The following CYFIP1 variants were observed in gnomAD, a reference collection of about 807,000 sequenced individuals.
CYFIP1 encodes the protein cytoplasmic FMR1-interacting protein 1.
Under a neutral mutation model 163.5 loss-of-function variants are expected in CYFIP1, and 58 were observed. That is an observed-to-expected ratio of 0.35 (90% CI 0.29 to 0.44). The LOEUF is 0.44. CYFIP1 is among the 20% of genes least tolerant of loss of function. The pLI is 1.00. For missense variants in CYFIP1, 1,338 were observed against 1,653.8 expected, an observed-to-expected ratio of 0.81 and a Z score of 3.31; for synonymous variants, 663 against 660.7, an observed-to-expected ratio of 1.00 and a Z score of -0.05.
intron 1 of CYFIP1, among the ~76,000 whole-genome samples, chr15:22,979,984 A>ACGCGGGGGCGGGGAG (rs2063419031): frequency 6.6e-6 from 1 of 151,824 alleles, no homozygotes; most frequent in South Asian, 2.1e-4. Flanking sequence ...GAGGCGGTGA[A>ACGCGGGGGCGGGGAG]CGCGGGGGCG....
At chr15:22,930,334 C>A (rs943368692) in intron 11 of CYFIP1, among the ~76,000 whole-genome samples, 2 of 142,518 alleles carry the variant, frequency 1.4e-5, no homozygotes, top group East Asian at 4.2e-4. Context: ...TGCAGTGAGC[C>A]GAGATTGCAC....
chr15:22,873,973 G>C (rs1336329467), intron 28 of CYFIP1, among the ~76,000 whole-genome samples: 1 of 152,206 alleles, frequency 6.6e-6, no homozygotes, highest in African/African-American at 2.4e-5. Flanking sequence ...GCCCAGGCTG[G>C]TCTCAAACTC....
Position 22,927,897 on chromosome 15 carries a change from G to C in CYFIP1, c.1233+9C>G, listed in dbSNP as rs138589588. 4.4e-4 allele frequency: 696 copies of C among 1,596,774 alleles called. 6 individuals are homozygous for C. In the African/African-American group the frequency reaches 8.2e-3, roughly 19 times the overall value. ...TTGGAGCGGGGCTGGGGTCGGGGAC[G>C]GGGCCTACCACTTCCATCACGTGCG... On this transcript the variant is annotated intron_variant, in intron 12 of 30. Transcript: ENST00000617928.
intron 1 of CYFIP1, among the ~76,000 whole-genome samples, chr15:22,976,937 C>T (rs56804264): frequency 0.077 from 11,690 of 152,206 alleles, 494 homozygotes; most frequent in Middle Eastern, 0.11. Flanking sequence ...CGGTGGCTCA[C>T]GCCTATAATC....
At chr15:22,913,740 G>A (rs957026399) in intron 17 of CYFIP1, among the ~76,000 whole-genome samples, 27 of 152,148 alleles carry the variant, frequency 1.8e-4, no homozygotes, top group Middle Eastern at 3.4e-3. Flanking sequence ...CCATGGCCAG[G>A]GGCAAGGAGG....
intron 1 of CYFIP1, among the ~76,000 whole-genome samples, chr15:22,960,012 A>G (rs1278906830): frequency 6.6e-6 from 1 of 152,218 alleles, no homozygotes; most frequent in Non-Finnish European, 1.5e-5. Context: ...GGCATAGCCC[A>G]GTAGCAGCCC....
intron 1 of CYFIP1, among the ~76,000 whole-genome samples, chr15:22,963,434 G>A (rs912094173): frequency 5.3e-5 from 8 of 151,814 alleles, no homozygotes; most frequent in Non-Finnish European, 8.8e-5. Context: ...AGGTTGCAGT[G>A]AGCCAAGACT....
At chr15:22,909,407 T>C (rs1011843699) in intron 20 of CYFIP1, 94 bp from the exon 21 acceptor site, 208 of 1,521,182 alleles carry the variant, frequency 1.4e-4, no homozygotes, top group Non-Finnish European at 1.8e-4. Flanking sequence ...GAAGCTGGTC[T>C]GTCAATAACG....
chr15:22,962,744 T>C (rs7168218), intron 1 of CYFIP1, among the ~76,000 whole-genome samples: 2,825 of 152,066 alleles, frequency 0.019, 74 homozygotes, highest in East Asian at 0.11. Context: ...TTCAGTTGAG[T>C]TGTTATAAAA....
intron 6 of CYFIP1, among the ~76,000 whole-genome samples, chr15:22,941,419 A>C (rs2061889224): frequency 6.6e-6 from 1 of 152,120 alleles, no homozygotes; most frequent in South Asian, 2.1e-4. Context: ...GACTAAGGAA[A>C]GGGTCAAGGA....
Position 22,903,736 on chromosome 15 carries a change from G to A in CYFIP1, c.2558C>T (p.Pro853Leu). 2.5e-6 allele frequency: 4 copies of A among 1,614,032 alleles called. No homozygotes were observed. Among genetic ancestry groups the A allele is most frequent in the Middle Eastern group, 3.3e-4 (2 of 6,062 alleles). ...VFWELNYDFL[P>L]NYCYNGSTNR... The stretch of plus-strand genomic sequence containing the variant: ...GGTAGAGCCGTTGTAGCAGTAGTTG[G>A]GCAGGAAGTCATAGTTGAGCTCCCA... Residue 853 changes from proline to leucine, a missense_variant, in exon 22 of 31, where the codon CCC (proline) becomes CTC (leucine). Coordinates refer to ENST00000617928, the MANE Select transcript of CYFIP1 (RefSeq NM_014608.6).
Position 22,944,616 on chromosome 15 carries a change from T to C in CYFIP1, c.329A>G (p.Lys110Arg). 1 of 1,614,060 alleles carries C rather than the reference T, an allele frequency of 6.2e-7. No homozygotes were observed. Among genetic ancestry groups the C allele is most frequent in the Non-Finnish European group, 8.5e-7 (1 of 1,179,898 alleles). The change falls in exon 5 of 31, where the codon AAA (lysine) becomes AGA (arginine). Residue 110 changes from lysine to arginine, a missense_variant. Lys to Arg is a conservative substitution (Grantham distance 26). Transcript: ENST00000617928. ...CTCAGGCTCCAGAACCTCCACGGTTTTCTCGTAGATTTCCACTCTGTTAGG... is the reference window on the plus strand; with the variant it reads ...CTCAGGCTCCAGAACCTCCACGGTTCTCTCGTAGATTTCCACTCTGTTAGG... Reference protein sequence around the residue: ...EQPNRVEIYEKTVEVLEPEVT... With the variant: ...EQPNRVEIYERTVEVLEPEVT...
chr15:22,873,647 G>A lies in CYFIP1; in HGVS notation c.3293C>T (p.Thr1098Ile), dbSNP rs1449513432. Residue 1098 changes from threonine (T) to isoleucine (I), a missense_variant, in exon 29 of 31, where the codon ACA (threonine) becomes ATA (isoleucine). Around this residue, in one of 4 missense-constraint regions of CYFIP1, gnomAD observed 306 missense variants for 322.1 expected, o/e 0.95. Coordinates refer to ENST00000617928, the MANE Select transcript of CYFIP1 (RefSeq NM_014608.6). ...GTCATCCAGAAAGCTCCGGATCCGT[G>A]TCAGGATGACCTCAAACATGGACAG... is the stretch of plus-strand genomic sequence containing the variant. ...CGLSMFEVIL[T>I]RIRSFLDDPI... The A allele has an allele frequency of 2.5e-6, 4 of 1,614,248 alleles. No homozygotes were observed. Among genetic ancestry groups the A allele is most frequent in the East Asian group, 2.2e-5 (1 of 44,884 alleles).
At chr15:22,886,479 A>G (rs1293199761) in intron 23 of CYFIP1, among the ~76,000 whole-genome samples, 2 of 152,304 alleles carry the variant, frequency 1.3e-5, no homozygotes, top group Admixed American at 1.3e-4. Context: ...TCAAATCTTG[A>G]TATATTTACA....
At chr15:22,933,139 C>CT (rs796197683) in intron 10 of CYFIP1, among the ~76,000 whole-genome samples, 30 of 148,194 alleles carry the variant, frequency 2.0e-4, no homozygotes, top group African/African-American at 5.4e-4. Context: ...CCACCCTCTT[C>CT]TTTTTTTTTA....
intron 1 of CYFIP1, among the ~76,000 whole-genome samples, chr15:22,953,444 A>AT (rs956585167): frequency 4.6e-5 from 7 of 152,094 alleles, no homozygotes; most frequent in Admixed American, 1.3e-4. Flanking sequence ...GCACCCTGGG[A>AT]TTTTTTCCGG....
At chr15:22,930,286 C>A (rs1332998238) in intron 11 of CYFIP1, among the ~76,000 whole-genome samples, 1 of 148,006 alleles carries the variant, frequency 6.8e-6, no homozygotes, top group African/African-American at 2.5e-5. Flanking sequence ...CCCAGCTACT[C>A]GGGAGGCTGA....
At chr15:22,904,786 C>A (rs1367600520) in intron 21 of CYFIP1, 2 of 152,106 alleles carry the variant, frequency 1.3e-5, no homozygotes, top group African/African-American at 4.8e-5. Flanking sequence ...AGAAAAAGGC[C>A]GCCACAGGTC....
chr15:22,923,914 G>GT (rs1310004424), intron 13 of CYFIP1, among the ~76,000 whole-genome samples: 1 of 122,266 alleles, frequency 8.2e-6, no homozygotes, highest in African/African-American at 3.2e-5. Flanking sequence ...CTGCACTCCA[G>GT]TTGGGTGACA....
Sources: gnomAD v4.1 joint callset for allele counts (sites outside exome capture counted in the v4.1 genomes callset) on GRCh38, gnomAD v4.1.1 for gene constraint, gnomAD v4.1.1 regional missense constraint, MANE v1.5 for transcripts, NCBI Gene and HGNC (gene_info 2026-07-23, HGNC 2026-07-21) for gene names.